Variants in CDC42BPA observed in about 807,000 individuals in gnomAD.
The protein encoded by CDC42BPA is serine/threonine-protein kinase MRCK alpha.
In CDC42BPA, 80 loss-of-function variants were observed where a neutral mutation model predicts 223.5. That is an observed-to-expected ratio of 0.36 (90% CI 0.30 to 0.43). CDC42BPA has a LOEUF of 0.43. Ranked by LOEUF, CDC42BPA falls within the 20% of genes least tolerant of loss-of-function variation. The pLI is 1.00. For synonymous variants in CDC42BPA, 694 were observed against 718.6 expected, an observed-to-expected ratio of 0.97 and a Z score of 0.55; for missense variants, 1,743 against 2,099.9, an observed-to-expected ratio of 0.83 and a Z score of 3.32.
At chr1:227,044,744 T>A (rs1435305342) in intron 23 of CDC42BPA, among the ~76,000 whole-genome samples, 1 of 152,166 alleles carries the variant, frequency 6.6e-6, no homozygotes, top group Non-Finnish European at 1.5e-5. Context: ...GTTATAGTAG[T>A]TTTAGCTTAA....
At chr1:227,206,492 CCT>C (rs1324723032) in intron 3 of CDC42BPA, among the ~76,000 whole-genome samples, 1 of 151,988 alleles carries the variant, frequency 6.6e-6, no homozygotes, top group Non-Finnish European at 1.5e-5. Context: ...TGTACATAAA[CCT>C]CTGAAAAAAT....
At chr1:227,180,206 A>AAATC (rs201108821) in intron 5 of CDC42BPA, among the ~76,000 whole-genome samples, 1,589 of 152,230 alleles carry the variant, frequency 0.01, 31 homozygotes, top group African/African-American at 0.035. Context: ...ATTCCGTCAT[A>AAATC]AATCAATCAA....
At chr1:227,201,760 T>C (rs971877128) in intron 3 of CDC42BPA, among the ~76,000 whole-genome samples, 3 of 130,612 alleles carry the variant, frequency 2.3e-5, no homozygotes, top group Non-Finnish European at 3.2e-5. Context: ...AATGAGATTA[T>C]AGTGCTCTGT....
chr1:227,091,056 C>T (rs1450585129), intron 16 of CDC42BPA, among the ~76,000 whole-genome samples: 1 of 152,150 alleles, frequency 6.6e-6, no homozygotes, highest in South Asian at 2.1e-4. Flanking sequence ...CCCCTGGTAT[C>T]ATTTCTAGCT....
chr1:227,148,774 A>AAAAAG (rs1263410672), intron 6 of CDC42BPA, among the ~76,000 whole-genome samples: 1 of 17,970 alleles, frequency 5.6e-5, no homozygotes, highest in Non-Finnish European at 1.4e-4. Context: ...CTCAAAAGCA[A>AAAAAG]AAAAAAAAAA....
chr1:227,154,644 C>T (rs966150067), intron 6 of CDC42BPA, among the ~76,000 whole-genome samples: 4 of 151,888 alleles, frequency 2.6e-5, no homozygotes, highest in Admixed American at 1.3e-4. Context: ...ATCCATAAGT[C>T]GTTTAGGAGC....
chr1:227,141,804 T>G (rs76090959), intron 9 of CDC42BPA, among the ~76,000 whole-genome samples: 1 of 152,230 alleles, frequency 6.6e-6, no homozygotes, highest in South Asian at 2.1e-4. Flanking sequence ...ACTCCATTTC[T>G]AAATCGTTTT....
At chr1:227,277,474 T>G (rs1687297156) in intron 1 of CDC42BPA, among the ~76,000 whole-genome samples, 1 of 152,198 alleles carries the variant, frequency 6.6e-6, no homozygotes, top group Non-Finnish European at 1.5e-5. Flanking sequence ...CTAATCTCTC[T>G]GGCAAACATA....
chr1:227,204,667 T>A (rs1672355212), intron 3 of CDC42BPA, among the ~76,000 whole-genome samples: 1 of 151,852 alleles, frequency 6.6e-6, no homozygotes, highest in Non-Finnish European at 1.5e-5. Flanking sequence ...CATAGTAAAA[T>A]TTTTTTAAAT....
rs528773228 is a variant in CDC42BPA at position 227,230,432 on chromosome 1, C to T, written c.271-17213G>A. On this transcript the variant is annotated intron_variant, in intron 2 of 36. Transcript: ENST00000366766. ...TTTATAGATTAGGGAGAACTGATAT[C>T]GTTACAAATATGTTGTACTATCTTT... Among the ~76,000 whole-genome samples the T allele has an allele frequency of 1.4e-3, 215 of 152,270 alleles. 2 individuals carry two copies. The highest frequency in any genetic ancestry group is 5.1e-3 in the African/African-American group (213 of 41,556).
rs1287856170 is a variant in CDC42BPA at position 227,129,070 on chromosome 1, T to C, written c.1513+39A>G. 2.3e-6 allele frequency: 3 copies of C among 1,294,622 alleles called. No individual in the cohort carries two copies. The South Asian group carries it at 3.9e-5, about 17-fold the overall frequency. 80.2% of individuals were successfully genotyped at this position (1,294,622 alleles called of 1,614,324 possible). A position where few individuals can be genotyped will look rare whatever the true frequency, so the allele number is the denominator to read the frequency against. On this transcript the variant is annotated intron_variant, in intron 11 of 36. Coordinates refer to ENST00000366766, the MANE Select transcript of CDC42BPA (RefSeq NM_001394014.1). ...GTGTGAATAAACCATTTTTTAAACA[T>C]TTCCTAAATTGAATTAACAGTGAAT... is the stretch of plus-strand genomic sequence containing the variant.
At chr1:227,297,793 T>C (rs1690899701) in intron 1 of CDC42BPA, among the ~76,000 whole-genome samples, 1 of 151,556 alleles carries the variant, frequency 6.6e-6, no homozygotes, top group Non-Finnish European at 1.5e-5. Flanking sequence ...AAGGAGAGAA[T>C]GTAGAGTTGT....
chr1:227,179,405 G>C (rs1417994059), intron 5 of CDC42BPA, among the ~76,000 whole-genome samples: 1 of 152,048 alleles, frequency 6.6e-6, no homozygotes, highest in African/African-American at 2.4e-5. Flanking sequence ...GGGAGGCCGA[G>C]GCGGGCGGAT....
intron 35 of CDC42BPA, among the ~76,000 whole-genome samples, chr1:226,998,540 G>A (rs1267121483): frequency 2.6e-5 from 4 of 152,114 alleles, no homozygotes; most frequent in Non-Finnish European, 4.4e-5. Flanking sequence ...AACAAGCAAC[G>A]GGGAAAGGAT....
intron 11 of CDC42BPA, among the ~76,000 whole-genome samples, chr1:227,123,490 T>C (rs1414017421): frequency 1.3e-5 from 2 of 152,106 alleles, no homozygotes; most frequent in African/African-American, 4.8e-5. Flanking sequence ...ATGGAATCTG[T>C]CTTGAAGGAG....
chr1:227,252,296 G>A (rs1330030101), intron 2 of CDC42BPA, among the ~76,000 whole-genome samples: 2 of 151,898 alleles, frequency 1.3e-5, no homozygotes, highest in African/African-American at 2.4e-5. Context: ...GATCAATACA[G>A]TAACAAGTTT....
At chr1:227,172,031 ACTC>A (rs1310711935) in intron 5 of CDC42BPA, among the ~76,000 whole-genome samples, 2 of 151,682 alleles carry the variant, frequency 1.3e-5, no homozygotes, top group Non-Finnish European at 2.9e-5. Flanking sequence ...TAATTTTCCT[ACTC>A]CTCCTTTTTT....
At chr1:227,085,728 G>A (rs1681728896) in intron 16 of CDC42BPA, among the ~76,000 whole-genome samples, 1 of 152,168 alleles carries the variant, frequency 6.6e-6, no homozygotes, top group South Asian at 2.1e-4. Context: ...ACTCACTGCT[G>A]GCACACACTG....
chr1:227,043,340 T>C (rs1372346535), intron 23 of CDC42BPA, among the ~76,000 whole-genome samples: 1 of 149,268 alleles, frequency 6.7e-6, no homozygotes, highest in East Asian at 2.0e-4. Flanking sequence ...TTAAACCTGG[T>C]AGGCAGAGGC....
Sources: allele counts gnomAD v4.1 joint callset (sites outside exome capture counted in the v4.1 genomes callset), GRCh38; gene constraint gnomAD v4.1.1; transcripts MANE v1.5; gene names NCBI Gene and HGNC (gene_info 2026-07-23, HGNC 2026-07-21).